SCN9A: variants seen among roughly 807,000 people sequenced by gnomAD.
The protein encoded by SCN9A is sodium voltage-gated channel alpha subunit 9.
SCN9A carries 131 observed loss-of-function variants against 187.0 expected under a neutral mutation model. The observed-to-expected ratio is 0.70, with a 90% confidence interval of 0.61 to 0.81. The LOEUF is 0.81. Ranked by LOEUF, SCN9A falls within the 30% of genes least tolerant of loss-of-function variation. SCN9A has a pLI of 0.00. For missense variants in SCN9A, 2,252 were observed against 2,396.6 expected (o/e 0.94, Z 1.26); for synonymous variants, 809 against 808.6 (o/e 1.00, Z -0.01).
rs73969642 is a variant in SCN9A at position 166,269,939 on chromosome 2, G to A, written c.3351+2460C>T. 3.0e-3 allele frequency among the ~76,000 whole-genome samples: 449 copies of A among 152,074 alleles called. 4 individuals carry two copies. The highest frequency in any genetic ancestry group is 1.0e-2 in the African/African-American group (414 of 41,502). On this transcript the variant is annotated intron_variant, in intron 17 of 26. Coordinates refer to ENST00000642356, the MANE Select transcript of SCN9A (RefSeq NM_001365536.1). Reference sequence around the variant, plus strand: ...TATAATTTTAATCTTCTTTAAATGGGTGACAGAGTTAGTTAGAAAAAAATA... The same window carrying A: ...TATAATTTTAATCTTCTTTAAATGGATGACAGAGTTAGTTAGAAAAAAATA...
At chr2:166,317,013 T>G (rs1279804796) in intron 1 of SCN9A, among the ~76,000 whole-genome samples, 1 of 152,048 alleles carries the variant, frequency 6.6e-6, no homozygotes, top group Non-Finnish European at 1.5e-5. Context: ...ATTATAAAAA[T>G]ATAATGCATA....
At chr2:166,302,964 G>A in intron 7 of SCN9A, 126 bp downstream of exon 7, 1 of 775,084 alleles carries the variant, frequency 1.3e-6, no homozygotes, top group Non-Finnish European at 2.0e-6. Flanking sequence ...AATTCACACT[G>A]TAGCAGCTTT....
chr2:166,304,395 G>A, intron 5 of SCN9A, 66 bp from the exon 6 acceptor site: 1 of 1,398,362 alleles, frequency 7.2e-7, no homozygotes, highest in Non-Finnish European at 1.0e-6. Context: ...TGAGCCTTTA[G>A]TCAAGGTATT....
chr2:166,281,746 C>T lies in SCN9A; in HGVS notation c.2037G>A (p.Met679Ile). The T allele has an allele frequency of 1.2e-6, 2 of 1,613,164 alleles. No individual in the cohort carries two copies. Among genetic ancestry groups the T allele is most frequent in the Non-Finnish European group, 8.5e-7 (1 of 1,179,348 alleles). Residue 679 changes from methionine (M) to isoleucine (I), a missense_variant, in exon 13 of 27, where the codon ATG (methionine) becomes ATA (isoleucine). Physicochemically the swap from Met to Ile is conservative, Grantham distance 10. Coordinates refer to ENST00000642356, the MANE Select transcript of SCN9A (RefSeq NM_001365536.1). ...TCTGTCTGAGGTTGGGATCATTCAGCATATCCTCTGAAAGGAGATAGGAAC... is the reference window on the plus strand; with the variant it reads ...TCTGTCTGAGGTTGGGATCATTCAGTATATCCTCTGAAAGGAGATAGGAAC... ...RCSSYLLSED[M>I]LNDPNLRQRA...
intron 1 of SCN9A, among the ~76,000 whole-genome samples, chr2:166,367,885 T>C (rs1013669290): frequency 1.3e-5 from 2 of 152,222 alleles, no homozygotes; most frequent in South Asian, 2.1e-4. Flanking sequence ...AAGAAGAAAA[T>C]TGAAACAGTC....
chr2:166,306,269 G>A (rs1698753513), intron 4 of SCN9A, among the ~76,000 whole-genome samples: 1 of 152,088 alleles, frequency 6.6e-6, no homozygotes, highest in South Asian at 2.1e-4. Flanking sequence ...TGTGTAACAT[G>A]TCTAAGAACA....
Position 166,284,512 on chromosome 2 carries a change from G to A in SCN9A, c.1915C>T (p.Leu639Phe). 6.2e-7 allele frequency: 1 copy of A among 1,614,122 alleles called. No homozygotes were observed. Among genetic ancestry groups the A allele is most frequent in the Non-Finnish European group, 8.5e-7 (1 of 1,179,998 alleles). ...TCTGGCAGAAGCTGTCCATTGGGGA[G>A]CATGAGGGCTGAGCGTCCATCAACC... is the stretch of plus-strand genomic sequence containing the variant. ...SLVDGRSALM[L>F]PNGQLLPEVI... The change falls in exon 12 of 27, where the codon CTC (leucine) becomes TTC (phenylalanine). Residue 639 changes from leucine to phenylalanine, a missense_variant. Physicochemically the swap from Leu to Phe is conservative, Grantham distance 22. Coordinates refer to ENST00000642356, the MANE Select transcript of SCN9A (RefSeq NM_001365536.1).
intron 7 of SCN9A, among the ~76,000 whole-genome samples, chr2:166,295,143 A>G (rs528910571): frequency 6.6e-6 from 1 of 152,252 alleles, no homozygotes; most frequent in East Asian, 1.9e-4. Context: ...GGGCTGGGGG[A>G]AGAGAAAGAA....
chr2:166,201,198 CACACATACTATATATAT>C (rs200464522), intron 26 of SCN9A, among the ~76,000 whole-genome samples: 4,247 of 148,540 alleles, frequency 0.029, 444 homozygotes, highest in Admixed American at 0.2. Context: ...ACTATATATA[CACACATACTATATATAT>C]ACACATACTA....
chr2:166,284,364 A>G, intron 12 of SCN9A, 89 bp downstream of exon 12: 1 of 1,460,094 alleles, frequency 6.8e-7, no homozygotes, highest in Non-Finnish European at 9.3e-7. Context: ...AGAGCCATTC[A>G]CAAGACCAGA....
intron 24 of SCN9A, among the ~76,000 whole-genome samples, chr2:166,219,537 T>C (rs1694489754): frequency 6.6e-6 from 1 of 151,420 alleles, no homozygotes; most frequent in Admixed American, 6.6e-5. Context: ...CATGGACACA[T>C]AAAGGGTAAC....
intron 1 of SCN9A, among the ~76,000 whole-genome samples, chr2:166,369,231 G>T (rs1019974963): frequency 2.6e-5 from 4 of 151,616 alleles, no homozygotes; most frequent in East Asian, 3.9e-4. Flanking sequence ...CAATATTTAA[G>T]AAATTAATAT....
intron 1 of SCN9A, among the ~76,000 whole-genome samples, chr2:166,329,970 A>T (rs564263518): frequency 8.6e-4 from 131 of 152,270 alleles, no homozygotes; most frequent in African/African-American, 3.0e-3. Flanking sequence ...CAAGAAAAAA[A>T]ATCATCTTTG....
intron 19 of SCN9A, among the ~76,000 whole-genome samples, chr2:166,238,919 C>A (rs1695439677): frequency 6.6e-6 from 1 of 152,146 alleles, no homozygotes; most frequent in Non-Finnish European, 1.5e-5. Context: ...CTATGCTTTC[C>A]AAGAAATTTT....
In SCN9A at chr2:166,198,780, G is replaced by C. The variant is rs1693326968; in HGVS notation, c.5859C>G (p.Thr1953=). The C allele has an allele frequency of 5.6e-6, 9 of 1,613,412 alleles. No individual in the cohort carries two copies. Among genetic ancestry groups the C allele is most frequent in the East Asian group, 2.2e-5 (1 of 44,866 alleles). ...PEKTDATSST[T]SPPSYDSVTK... ...TTACACTATCATATGAAGGTGGAGA[G>C]GTGGTGGATGAAGTGGCATCTGTTT... Residue 1953 remains threonine, a synonymous_variant, in exon 27 of 27, where the codon ACC becomes ACG. Transcript: ENST00000642356.
chr2:166,251,445 C>A (rs932618853), intron 18 of SCN9A, among the ~76,000 whole-genome samples: 1 of 152,120 alleles, frequency 6.6e-6, no homozygotes, highest in East Asian at 1.9e-4. Flanking sequence ...GACCAGAGTA[C>A]AGACTCTTTC....
At chr2:166,373,843 C>G (rs1435854992) in intron 1 of SCN9A, among the ~76,000 whole-genome samples, 1 of 152,044 alleles carries the variant, frequency 6.6e-6, no homozygotes, top group Admixed American at 6.6e-5. Context: ...ACTTCACACT[C>G]TTTTGCATAA....
chr2:166,204,435 T>G lies in SCN9A; in HGVS notation c.4428A>C (p.Glu1476Asp), dbSNP rs200501298. 1 of 1,600,142 alleles carries G rather than the reference T, an allele frequency of 6.2e-7. No individual in the cohort carries two copies. The highest frequency in any genetic ancestry group is 8.5e-7 in the Non-Finnish European group (1 of 1,175,212). The change falls in exon 25 of 27, where the codon GAA becomes GAC. Residue 1476 changes from glutamate to aspartate, a missense_variant. Transcript: ENST00000642356. The stretch of plus-strand genomic sequence containing the variant: ...TTGCATTATAGTATTTCTTCTGTTC[T>G]TCTGTCATAAAGATGTCTTGACCTC... ...KLGGQDIFMT[E>D]EQKKYYNAMK... is the part of the protein sequence containing the mutation.
chr2:166,302,554 T>C (rs1308878038), intron 7 of SCN9A: 1 of 152,020 alleles, frequency 6.6e-6, no homozygotes, highest in Non-Finnish European at 1.5e-5. Flanking sequence ...GATTTTGCTT[T>C]GTACAAATCT....
Sources: gnomAD v4.1 joint callset for allele counts (sites outside exome capture counted in the v4.1 genomes callset) on GRCh38, gnomAD v4.1.1 for gene constraint, MANE v1.5 for transcripts, NCBI Gene and HGNC (gene_info 2026-07-23, HGNC 2026-07-21) for gene names.